NEDD9: variants seen among roughly 807,000 people sequenced by gnomAD.
NEDD9 encodes neural precursor cell expressed, developmentally down-regulated 9, also known as enhancer of filamentation 1.
A neutral mutation model predicts 76.6 loss-of-function variants in NEDD9; 26 were observed. The ratio of observed to expected loss-of-function variants is 0.34; its 90% CI spans 0.25 to 0.47. NEDD9 has a LOEUF of 0.47. Ranked by LOEUF, NEDD9 falls within the 20% of genes least tolerant of loss-of-function variation. The pLI is 1.00. For missense variants in NEDD9, 937 were observed against 1,058.5 expected (o/e 0.89, Z 1.59); for synonymous variants, 392 against 414.2 (o/e 0.95, Z 0.65).
At chr6:11,234,441 A>T (rs1581975638), upstream of NEDD9, among the ~76,000 whole-genome samples, 2 of 152,240 alleles carry the variant, frequency 1.3e-5, no homozygotes, top group African/African-American at 4.8e-5. Context: ...TGTTTGATGA[A>T]TATCATTGAG....
intron 2 of NEDD9, among the ~76,000 whole-genome samples, chr6:11,319,145 T>C (rs910468134): frequency 1.3e-5 from 2 of 152,236 alleles, no homozygotes; most frequent in African/African-American, 4.8e-5. Flanking sequence ...TTGAAAAGAT[T>C]CCCCTGGCTC....
In NEDD9 at chr6:11,201,998, C is replaced by T. The variant is rs549718487; in HGVS notation, c.460-8306G>A. Among the ~76,000 whole-genome samples, 11 of 152,182 alleles carry T rather than the reference C, an allele frequency of 7.2e-5. No individual in the cohort carries two copies. In the East Asian group the frequency reaches 2.1e-3, roughly 29 times the overall value. On this transcript the variant is annotated intron_variant, in intron 2 of 6. Coordinates refer to ENST00000379446, the MANE Select transcript of NEDD9 (RefSeq NM_006403.4). ...CAGCTTCTTGTGTCCTTCCCTAATG[C>T]CTAGTCAGGAGCTAGGTAACCCAGG...
intron 3 of NEDD9, among the ~76,000 whole-genome samples, chr6:11,296,789 C>T (rs568383817): frequency 3.0e-4 from 46 of 151,762 alleles, no homozygotes; most frequent in South Asian, 1.0e-3. Context: ...AGTGCAGTAG[C>T]GTGATCTGAG....
intron 3 of NEDD9, among the ~76,000 whole-genome samples, chr6:11,283,012 G>C: frequency 6.6e-6 from 1 of 152,164 alleles, no homozygotes; most frequent in African/African-American, 2.4e-5. Context: ...AACCATACAG[G>C]CTTCTTTTAT....
intron 2 of NEDD9, among the ~76,000 whole-genome samples, chr6:11,329,599 C>T (rs1320231391): frequency 6.6e-6 from 1 of 152,210 alleles, no homozygotes; most frequent in African/African-American, 2.4e-5. Flanking sequence ...ATGTGCCTGA[C>T]CTGCCCTGTG....
chr6:11,228,825 G>T (rs1759385765), intron 1 of NEDD9, among the ~76,000 whole-genome samples: 2 of 152,154 alleles, frequency 1.3e-5, no homozygotes, highest in South Asian at 4.1e-4. Flanking sequence ...TAACCAAGTT[G>T]ATATTTTTCA....
At chr6:11,365,106 A>AG (rs750620388) in intron 1 of NEDD9, among the ~76,000 whole-genome samples, 2 of 152,152 alleles carry the variant, frequency 1.3e-5, no homozygotes, top group Non-Finnish European at 2.9e-5. Flanking sequence ...CTCACCCCCC[A>AG]GATGGGAACA....
At chr6:11,328,084 G>A (rs1194213881) in intron 2 of NEDD9, among the ~76,000 whole-genome samples, 1 of 152,236 alleles carries the variant, frequency 6.6e-6, no homozygotes, top group Admixed American at 6.5e-5. Flanking sequence ...CTGCTCCCAT[G>A]GGTAGTACTA....
At chr6:11,285,217 T>C (rs1263809027) in intron 3 of NEDD9, among the ~76,000 whole-genome samples, 1 of 152,210 alleles carries the variant, frequency 6.6e-6, no homozygotes, top group Non-Finnish European at 1.5e-5. Context: ...AAATTGATCA[T>C]TTTCCTGACA....
chr6:11,337,933 T>C (rs1185875382), intron 1 of NEDD9, among the ~76,000 whole-genome samples: 1 of 152,218 alleles, frequency 6.6e-6, no homozygotes, highest in East Asian at 1.9e-4. Flanking sequence ...ATCTCGGGCA[T>C]GAGGAGATGC....
chr6:11,378,473 C>G (rs1763005018), intron 1 of NEDD9, among the ~76,000 whole-genome samples: 1 of 152,100 alleles, frequency 6.6e-6, no homozygotes, highest in African/African-American at 2.4e-5. Context: ...TATAGCCACA[C>G]AAACATAGAC....
rs145772432 is a variant in NEDD9, at chr6:11,303,164, A to G, written c.12+2828T>C. ...CCTTAAGCTAATAAGCAACTTCAGC[A>G]AAGTTTCAGGATACAAAATCAATGT... is the stretch of plus-strand genomic sequence containing the variant. On this transcript the variant is annotated intron_variant, in intron 3 of 3. Transcript: ENST00000397378. Among the ~76,000 whole-genome samples, 621 of 152,366 alleles carry G rather than the reference A, an allele frequency of 4.1e-3. 6 individuals are homozygous for G. In the East Asian group the frequency reaches 0.053, roughly 13 times the overall value.
intron 2 of NEDD9, among the ~76,000 whole-genome samples, chr6:11,327,086 C>T (rs1443526827): frequency 3.9e-5 from 6 of 152,098 alleles, no homozygotes; most frequent in Non-Finnish European, 8.8e-5. Context: ...GATGCTGGGA[C>T]AACAGGAGCA....
At chr6:11,332,483 T>A (rs1762062854) in intron 2 of NEDD9, among the ~76,000 whole-genome samples, 1 of 152,244 alleles carries the variant, frequency 6.6e-6, no homozygotes, top group African/African-American at 2.4e-5. Flanking sequence ...TACGTCCGCT[T>A]CTCCAAATGC....
chr6:11,244,287 GCA>G (rs142675895), intron 3 of NEDD9, among the ~76,000 whole-genome samples: 1 of 151,314 alleles, frequency 6.6e-6, no homozygotes, highest in African/African-American at 2.4e-5. Context: ...GTGTGTGCAC[GCA>G]CACACACACA....
chr6:11,368,223 G>A (rs1244287904), intron 1 of NEDD9, among the ~76,000 whole-genome samples: 1 of 152,114 alleles, frequency 6.6e-6, no homozygotes, highest in Non-Finnish European at 1.5e-5. Flanking sequence ...AACAGATGGA[G>A]AAAAGTTTCA....
At chr6:11,327,663 A>G (rs576849295) in intron 2 of NEDD9, among the ~76,000 whole-genome samples, 1 of 152,354 alleles carries the variant, frequency 6.6e-6, no homozygotes, top group Non-Finnish European at 1.5e-5. Flanking sequence ...ATGGAAAGTG[A>G]AAGAGGGCCT....
chr6:11,297,296 C>A (rs1760923397), intron 3 of NEDD9, among the ~76,000 whole-genome samples: 1 of 152,190 alleles, frequency 6.6e-6, no homozygotes, highest in South Asian at 2.1e-4. Flanking sequence ...CTCTCTGCAG[C>A]CAGGGACAGC....
chr6:11,210,513 T>C (rs1020929538), intron 2 of NEDD9, among the ~76,000 whole-genome samples: 1 of 151,960 alleles, frequency 6.6e-6, no homozygotes, highest in Non-Finnish European at 1.5e-5. Context: ...AAATGCAAAC[T>C]CAGAAAAATG....
Sources: gnomAD v4.1 joint callset for allele counts (sites outside exome capture counted in the v4.1 genomes callset) on GRCh38, gnomAD v4.1.1 for gene constraint, MANE v1.5 for transcripts, NCBI Gene and HGNC (gene_info 2026-07-23, HGNC 2026-07-21) for gene names.